The following SH3BGRL2 variants were observed in gnomAD, a reference collection of about 807,000 sequenced individuals.
SH3BGRL2 encodes SH3 domain binding glutamate rich protein like 2, also known as SH3 domain-binding glutamic acid-rich-like protein 2.
A neutral mutation model predicts 14.8 loss-of-function variants in SH3BGRL2; 21 were observed. The ratio of observed to expected loss-of-function variants is 1.42; its 90% CI spans 1.01 to 2.05. The LOEUF (loss-of-function observed/expected upper bound fraction) is 2.05, where lower values mean the gene tolerates loss of function less well. Ranked by LOEUF, SH3BGRL2 falls within the 30% of genes most tolerant of loss-of-function variation. SH3BGRL2 has a pLI of 0.00. For missense variants in SH3BGRL2, 147 were observed against 130.8 expected (o/e 1.12, Z -0.61); for synonymous variants, 50 against 47.8 (o/e 1.05, Z -0.19).
the SH3BGRL2 span, among the ~76,000 whole-genome samples, chr6:79,620,089 AGTT>A: frequency 7.2e-5 from 11 of 151,910 alleles, no homozygotes; most frequent in South Asian, 2.1e-4. Context: ...CATATTCTCC[AGTT>A]GTTGTTGTTT....
intron 1 of SH3BGRL2, among the ~76,000 whole-genome samples, chr6:79,667,822 C>G (rs1483204198): frequency 2.0e-5 from 3 of 152,012 alleles, no homozygotes; most frequent in African/African-American, 7.3e-5. Context: ...AGTAATATCT[C>G]CAAGGCTACC....
chr6:79,631,312 C>A, upstream of SH3BGRL2: 2 of 624,084 alleles, frequency 3.2e-6, no homozygotes, highest in Non-Finnish European at 2.4e-6. Flanking sequence ...TATCTGCGGA[C>A]CCGCCGGGAG....
chr6:79,656,472 A>G (rs1238838697), intron 1 of SH3BGRL2, among the ~76,000 whole-genome samples: 1 of 152,226 alleles, frequency 6.6e-6, no homozygotes, highest in Non-Finnish European at 1.5e-5. Context: ...ATTTGAGTAT[A>G]TACCATGTGG....
At chr6:79,669,601 C>T (rs564337219) in intron 1 of SH3BGRL2, among the ~76,000 whole-genome samples, 13 of 151,972 alleles carry the variant, frequency 8.6e-5, no homozygotes, top group Middle Eastern at 3.4e-3. Context: ...TGCACCACCA[C>T]GCCTGGCTAA....
chr6:79,590,792 TAACA>T, the SH3BGRL2 span, among the ~76,000 whole-genome samples: 1 of 152,208 alleles, frequency 6.6e-6, no homozygotes, highest in African/African-American at 2.4e-5. Context: ...TATACCCATG[TAACA>T]AACCTGCACA....
At chr6:79,694,851 A>G (rs951177251) in intron 2 of SH3BGRL2, among the ~76,000 whole-genome samples, 3 of 152,078 alleles carry the variant, frequency 2.0e-5, no homozygotes, top group African/African-American at 7.2e-5. Context: ...ACCATTGCTT[A>G]CTGCAATTGC....
the SH3BGRL2 span, among the ~76,000 whole-genome samples, chr6:79,623,984 C>G: frequency 6.6e-6 from 1 of 151,976 alleles, no homozygotes; most frequent in Non-Finnish European, 1.5e-5. Context: ...GAAATTATAA[C>G]AAATTCTAAA....
chr6:79,542,606 AC>A, the SH3BGRL2 span, among the ~76,000 whole-genome samples: 1 of 152,166 alleles, frequency 6.6e-6, no homozygotes, highest in African/African-American at 2.4e-5. Flanking sequence ...CTAGGACTCA[AC>A]AAACTGCATT....
chr6:79,678,105 C>A (rs1769920550), intron 2 of SH3BGRL2, among the ~76,000 whole-genome samples: 1 of 152,048 alleles, frequency 6.6e-6, no homozygotes, highest in Admixed American at 6.6e-5. Flanking sequence ...ATTTGGATTT[C>A]TGTATATAAT....
At chr6:79,618,794 C>A in the SH3BGRL2 span, among the ~76,000 whole-genome samples, 1 of 151,516 alleles carries the variant, frequency 6.6e-6, no homozygotes, top group Non-Finnish European at 1.5e-5. Context: ...TGGTATGTGC[C>A]TGTAGTACCA....
the SH3BGRL2 span, among the ~76,000 whole-genome samples, chr6:79,572,881 C>T: frequency 6.6e-6 from 1 of 152,128 alleles, no homozygotes; most frequent in Non-Finnish European, 1.5e-5. Flanking sequence ...TATATGTACA[C>T]ATACTCTATG....
chr6:79,635,232 T>C (rs1208809120), intron 1 of SH3BGRL2, among the ~76,000 whole-genome samples: 1 of 152,206 alleles, frequency 6.6e-6, no homozygotes, highest in Non-Finnish European at 1.5e-5. Flanking sequence ...TTAAAGTTCC[T>C]GGGCTCTGTT....
At chr6:79,630,913 G>A (rs1768808787), upstream of SH3BGRL2, among the ~76,000 whole-genome samples, 2 of 152,134 alleles carry the variant, frequency 1.3e-5, no homozygotes, top group African/African-American at 4.8e-5. Flanking sequence ...CAGGTAGCTG[G>A]GGTTTGCCCG....
At chr6:79,575,620 C>T in the SH3BGRL2 span, 2 of 151,944 alleles carry the variant, frequency 1.3e-5, no homozygotes, top group African/African-American at 4.8e-5. Flanking sequence ...TCAAGTAACC[C>T]TTCAAATATT....
At chr6:79,697,059 C>T (rs1184138254) in intron 3 of SH3BGRL2, among the ~76,000 whole-genome samples, 3 of 151,936 alleles carry the variant, frequency 2.0e-5, no homozygotes, top group Admixed American at 6.6e-5. Context: ...TTTTAGAAAA[C>T]ATAAAGGAGC....
chr6:79,642,620 C>T (rs1006686831), intron 1 of SH3BGRL2, among the ~76,000 whole-genome samples: 1 of 152,132 alleles, frequency 6.6e-6, no homozygotes, highest in African/African-American at 2.4e-5. Context: ...ACTTATGCCA[C>T]GTATTTGCCA....
chr6:79,641,467 A>T (rs560434457), intron 1 of SH3BGRL2, among the ~76,000 whole-genome samples: 2 of 152,258 alleles, frequency 1.3e-5, no homozygotes, highest in Non-Finnish European at 2.9e-5. Context: ...GGCTATGGCA[A>T]TCTATCATTA....
At chr6:79,542,743 A>G in the SH3BGRL2 span, among the ~76,000 whole-genome samples, 2 of 152,202 alleles carry the variant, frequency 1.3e-5, no homozygotes, top group African/African-American at 2.4e-5. Flanking sequence ...TCAGGCAACA[A>G]TTGGCTCTAG....
At position 79,631,368 on chromosome 6, in the gene SH3BGRL2, G is replaced by C; in HGVS notation, c.-94G>C. On this transcript the variant is annotated 5_prime_UTR_variant, in exon 1 of 4. Transcript: ENST00000369838. ...TTCCCCGACGGCAGCGCTTTACCCA[G>C]AGGCTGCCGGCGGCTCGTAGCTGGG... 3.4e-6 allele frequency: 4 copies of C among 1,192,214 alleles called. No individual in the cohort carries two copies. The highest frequency in any genetic ancestry group is 1.1e-6 in the Non-Finnish European group (1 of 894,738). 73.9% of individuals were successfully genotyped at this position (1,192,214 alleles called of 1,614,324 possible). A position where few individuals can be genotyped will look rare whatever the true frequency, so the allele number is the denominator to read the frequency against.
Sources: gnomAD v4.1 joint callset for allele counts (sites outside exome capture counted in the v4.1 genomes callset) on GRCh38, gnomAD v4.1.1 for gene constraint, MANE v1.5 for transcripts, NCBI Gene and HGNC (gene_info 2026-07-23, HGNC 2026-07-21) for gene names.